The following HCK variants were observed in gnomAD, a reference collection of about 807,000 sequenced individuals.
HCK encodes HCK proto-oncogene, Src family tyrosine kinase, also known as tyrosine-protein kinase HCK.
A neutral mutation model predicts 70.4 loss-of-function variants in HCK; 40 were observed. That is an observed-to-expected ratio of 0.57 (90% CI 0.44 to 0.74). HCK has a LOEUF of 0.74. HCK is among the 30% of genes least tolerant of loss of function. The pLI is 0.00. For synonymous variants in HCK, 245 were observed against 263.2 expected (o/e 0.93, Z 0.67); for missense variants, 568 against 697.2 (o/e 0.81, Z 2.09).
Position 32,101,308 on chromosome 20 carries a change from C to T in HCK, c.1379-9C>T. 4 of 1,613,270 alleles carry T rather than the reference C, an allele frequency of 2.5e-6. No individual in the cohort carries two copies. Among genetic ancestry groups the T allele is most frequent in the Non-Finnish European group, 1.7e-6 (2 of 1,179,622 alleles). On this transcript the variant is annotated splice_polypyrimidine_tract_variant and intron_variant, in intron 12 of 12. Coordinates refer to ENST00000375852, the MANE Select transcript of HCK (RefSeq NM_002110.5). ...TGCTTCCGTTTCTAATTCCACGGCT[C>T]CTTTTCAGGGATGTCAAACCCTGAA...
intron 1 of HCK, among the ~76,000 whole-genome samples, chr20:32,070,428 G>C (rs1207697517): frequency 6.6e-6 from 1 of 152,124 alleles, no homozygotes. Flanking sequence ...ACACTCTCCT[G>C]CTTTCAGTGC....
At chr20:32,091,094 G>A (rs1041140047) in intron 10 of HCK, among the ~76,000 whole-genome samples, 5 of 152,172 alleles carry the variant, frequency 3.3e-5, no homozygotes, top group African/African-American at 4.8e-5. Context: ...GAGCTGCAGC[G>A]CTCAAGCTGA....
chr20:32,083,465 C>G (rs1463356476), intron 6 of HCK, among the ~76,000 whole-genome samples: 1 of 152,096 alleles, frequency 6.6e-6, no homozygotes, highest in Admixed American at 6.5e-5. Context: ...ATACTATGGT[C>G]TCTTGGCTTT....
chr20:32,052,555 A>T (rs2045189107), intron 1 of HCK, 69 bp downstream of exon 1: 3 of 1,149,724 alleles, frequency 2.6e-6, no homozygotes, highest in Non-Finnish European at 2.2e-6. Flanking sequence ...GAGGGAGCCC[A>T]GGAGCCTGGG....
In HCK at chr20:32,101,522, G is replaced by C. The variant is rs772638936; in HGVS notation, c.*3G>C. 2 of 1,610,784 alleles carry C rather than the reference G, an allele frequency of 1.2e-6. No individual in the cohort carries two copies. Among genetic ancestry groups the C allele is most frequent in the Non-Finnish European group, 8.5e-7 (1 of 1,178,448 alleles). Reference sequence around the variant, plus strand: ...GCCAGTACCAACAGCAGCCATGATAGGGAGGACCAGGGCAGGGCCAGGGGG... The same window carrying C: ...GCCAGTACCAACAGCAGCCATGATACGGAGGACCAGGGCAGGGCCAGGGGG... On this transcript the variant is annotated 3_prime_UTR_variant, in exon 13 of 13. Transcript: ENST00000375852.
chr20:32,093,740 A>G (rs980368), intron 10 of HCK, 123 bp from the exon 11 acceptor site: 317,891 of 871,540 alleles, frequency 0.36, 65,112 homozygotes, highest in African/African-American at 0.79. Flanking sequence ...CCCGACACAA[A>G]AGGGAGGGCT....
intron 11 of HCK, among the ~76,000 whole-genome samples, chr20:32,097,876 T>G (rs1336565211): frequency 1.3e-5 from 2 of 151,966 alleles, no homozygotes; most frequent in Non-Finnish European, 2.9e-5. Context: ...ACTAAACACT[T>G]TTTAAAAAAG....
At chr20:32,057,057 T>A (rs1373003482) in intron 1 of HCK, among the ~76,000 whole-genome samples, 1 of 152,208 alleles carries the variant, frequency 6.6e-6, no homozygotes, top group Non-Finnish European at 1.5e-5. Context: ...GCTCACATAA[T>A]CTGGATTTCT....
intron 6 of HCK, among the ~76,000 whole-genome samples, chr20:32,082,649 C>CA (rs1451761974): frequency 3.9e-5 from 6 of 151,936 alleles, no homozygotes; most frequent in Non-Finnish European, 7.4e-5. Flanking sequence ...CACACACACA[C>CA]AAAAAATAAA....
intron 7 of HCK, 108 bp from the exon 8 acceptor site, chr20:32,084,283 G>C (rs1359756442): frequency 2.1e-5 from 27 of 1,302,316 alleles, no homozygotes; most frequent in Non-Finnish European, 2.7e-5. Flanking sequence ...GTGGCAACCA[G>C]GTGGAACACT....
At chr20:32,072,055 G>A (rs572418141) in intron 2 of HCK, 12 of 447,134 alleles carry the variant, frequency 2.7e-5, no homozygotes, top group Non-Finnish European at 4.4e-5. Flanking sequence ...TCAGGCCTCC[G>A]GCCTGGGCAG....
chr20:32,080,239 G>A (rs572824039), intron 6 of HCK, among the ~76,000 whole-genome samples: 12 of 152,154 alleles, frequency 7.9e-5, no homozygotes, highest in Admixed American at 5.2e-4. Context: ...TCACTCTGTC[G>A]CCAGGCTGGA....
At chr20:32,099,173 C>T (rs770136614) in intron 12 of HCK, 38 bp downstream of exon 12, 4 of 1,604,192 alleles carry the variant, frequency 2.5e-6, no homozygotes, top group Non-Finnish European at 3.4e-6. Flanking sequence ...GCTACCAGGG[C>T]CCAGTCTGGC....
intron 2 of HCK, 182 bp downstream of exon 2, chr20:32,071,964 G>C (rs1478954193): frequency 1.5e-6 from 1 of 681,992 alleles, no homozygotes; most frequent in African/African-American, 1.8e-5. Context: ...ATGCATAGGG[G>C]CAAAGAAGTC....
intron 1 of HCK, chr20:32,069,850 G>T: frequency 1.2e-6 from 1 of 857,634 alleles, no homozygotes; most frequent in Non-Finnish European, 1.6e-6. Flanking sequence ...ACAAATACAT[G>T]TTTATTTTAA....
Position 32,074,672 on chromosome 20 carries a change from T to C in HCK, c.379T>C (p.Tyr127His). 6.2e-7 allele frequency: 1 copy of C among 1,614,046 alleles called. No individual in the cohort carries two copies. The highest frequency in any genetic ancestry group is 8.5e-7 in the Non-Finnish European group (1 of 1,179,906). ...ATCCCTGGCCACCCGGAAGGAGGGC[T>C]ACATCCCAAGCAACTATGTCGCCCG... The change falls in exon 5 of 13, where the codon TAC (tyrosine) becomes CAC (histidine). Residue 127 changes from tyrosine (Y) to histidine (H), a missense_variant. By Grantham distance (83) the Tyr-to-His change is moderately conservative. Transcript: ENST00000375852.
At chr20:32,055,551 A>G (rs1255476927) in intron 1 of HCK, among the ~76,000 whole-genome samples, 1 of 152,104 alleles carries the variant, frequency 6.6e-6, no homozygotes, top group African/African-American at 2.4e-5. Flanking sequence ...AATGTTCTTA[A>G]ATTTTTAGTG....
At chr20:32,086,199 TTAG>T (rs1383615881) in intron 8 of HCK, among the ~76,000 whole-genome samples, 1 of 152,154 alleles carries the variant, frequency 6.6e-6, no homozygotes, top group Non-Finnish European at 1.5e-5. Flanking sequence ...TTTTGTATTT[TTAG>T]TAGAGACGGG....
intron 11 of HCK, among the ~76,000 whole-genome samples, chr20:32,096,239 C>T (rs1006614395): frequency 1.3e-5 from 2 of 151,472 alleles, no homozygotes; most frequent in African/African-American, 4.8e-5. Flanking sequence ...TGGCTCACAC[C>T]TGTAATACCA....
Sources: gnomAD v4.1 joint callset for allele counts (sites outside exome capture counted in the v4.1 genomes callset) on GRCh38, gnomAD v4.1.1 for gene constraint, MANE v1.5 for transcripts, NCBI Gene and HGNC (gene_info 2026-07-23, HGNC 2026-07-21) for gene names.